Variants in GRIK2 observed in about 807,000 individuals in gnomAD.
GRIK2 encodes the protein glutamate ionotropic receptor kainate type subunit 2.
Under a neutral mutation model 100.3 loss-of-function variants are expected in GRIK2, and 32 were observed. The ratio of observed to expected loss-of-function variants is 0.32; its 90% confidence interval spans 0.24 to 0.43. GRIK2 has a LOEUF of 0.43. GRIK2 is among the 20% of genes least tolerant of loss of function. The probability of loss-of-function intolerance (pLI) is 1.00; values close to 1 mark genes in which losing one functional copy is unlikely to be tolerated. For missense variants in GRIK2, 843 were observed against 1,114.9 expected (o/e 0.76, Z 3.47); for synonymous variants, 417 against 389.4 (o/e 1.07, Z -0.83).
intron 11 of GRIK2, chr6:101,860,867 T>G (rs1465042079): frequency 3.3e-6 from 2 of 598,344 alleles, no homozygotes. Context: ...TTAGGGGCTT[T>G]GGATTTATTT....
chr6:102,050,403 C>T (rs568074977), intron 15 of GRIK2, among the ~76,000 whole-genome samples: 2 of 152,030 alleles, frequency 1.3e-5, no homozygotes, highest in South Asian at 2.1e-4. Context: ...CCTGTAATCC[C>T]AGCACTTTGG....
chr6:102,037,912 G>A (rs369290943), intron 15 of GRIK2, among the ~76,000 whole-genome samples: 88 of 151,328 alleles, frequency 5.8e-4, no homozygotes, highest in African/African-American at 2.0e-3. Flanking sequence ...GATAATTTTT[G>A]AAATATGTTT....
chr6:102,061,349 G>T (rs1771741217), intron 16 of GRIK2, among the ~76,000 whole-genome samples: 2 of 150,438 alleles, frequency 1.3e-5, no homozygotes, highest in East Asian at 3.9e-4. Flanking sequence ...CATCTATATA[G>T]TACAGATGAG....
intron 2 of GRIK2, among the ~76,000 whole-genome samples, chr6:101,523,548 A>T (rs181428759): frequency 6.6e-6 from 1 of 152,152 alleles, no homozygotes; most frequent in African/African-American, 2.4e-5. Flanking sequence ...TCTGGGCCGT[A>T]AATGCTTGGG....
intron 2 of GRIK2, among the ~76,000 whole-genome samples, chr6:101,586,324 C>A (rs1778361313): frequency 6.6e-6 from 1 of 151,860 alleles, no homozygotes; most frequent in Non-Finnish European, 1.5e-5. Context: ...AATAAAAATT[C>A]AAAGTTTGTT....
intron 2 of GRIK2, among the ~76,000 whole-genome samples, chr6:101,596,050 C>G (rs1778914944): frequency 6.7e-6 from 1 of 150,272 alleles, no homozygotes; most frequent in African/African-American, 2.4e-5. Flanking sequence ...GAGTGAGGGT[C>G]TCCAGGAGTT....
At chr6:101,401,844 C>T (rs954304549) in intron 2 of GRIK2, among the ~76,000 whole-genome samples, 11 of 152,128 alleles carry the variant, frequency 7.2e-5, no homozygotes, top group Non-Finnish European at 1.6e-4. Context: ...TGGAGTTGCA[C>T]GTGGCGCAGC....
chr6:101,982,605 A>G (rs1014132804), intron 14 of GRIK2, among the ~76,000 whole-genome samples: 3 of 151,572 alleles, frequency 2.0e-5, no homozygotes, highest in Non-Finnish European at 4.4e-5. Flanking sequence ...AAAAACAACA[A>G]CAACAAAACA....
chr6:101,857,122 A>G (rs1276558902), intron 10 of GRIK2, among the ~76,000 whole-genome samples: 1 of 152,144 alleles, frequency 6.6e-6, no homozygotes, highest in Non-Finnish European at 1.5e-5. Context: ...GGCAGGGGAA[A>G]AAATGGTGTG....
chr6:101,733,998 A>G (rs563786935), intron 7 of GRIK2, among the ~76,000 whole-genome samples: 19 of 152,148 alleles, frequency 1.2e-4, no homozygotes, highest in Non-Finnish European at 2.5e-4. Context: ...AATTTGTTTT[A>G]ACTTCCTATT....
intron 2 of GRIK2, among the ~76,000 whole-genome samples, chr6:101,603,870 CT>C (rs1779331671): frequency 6.6e-6 from 1 of 151,564 alleles, no homozygotes; most frequent in Non-Finnish European, 1.5e-5. Flanking sequence ...TTCATAACTA[CT>C]TTTATAATTG....
At chr6:101,749,824 T>C (rs1238734806) in intron 7 of GRIK2, among the ~76,000 whole-genome samples, 1 of 147,006 alleles carries the variant, frequency 6.8e-6, no homozygotes, top group Non-Finnish European at 1.5e-5. Context: ...TTTTTTTTTT[T>C]TTGTGTGAGA....
intron 7 of GRIK2, among the ~76,000 whole-genome samples, chr6:101,739,613 GATA>G (rs1371902680): frequency 6.6e-6 from 1 of 152,066 alleles, no homozygotes; most frequent in African/African-American, 2.4e-5. Context: ...GCAAATGTAA[GATA>G]ATCTTTTAAA....
intron 10 of GRIK2, among the ~76,000 whole-genome samples, chr6:101,843,336 C>G (rs1354311115): frequency 6.6e-6 from 1 of 152,078 alleles, no homozygotes; most frequent in African/African-American, 2.4e-5. Flanking sequence ...CTTGTATCCC[C>G]CTGTCTTTCT....
chr6:101,999,731 A>G (rs1173410902), intron 14 of GRIK2, among the ~76,000 whole-genome samples: 1 of 152,100 alleles, frequency 6.6e-6, no homozygotes, highest in Non-Finnish European at 1.5e-5. Context: ...TAGTAAGAAA[A>G]GATGTATTTT....
chr6:101,731,763 A>G (rs1172598992), intron 7 of GRIK2, among the ~76,000 whole-genome samples: 2 of 152,026 alleles, frequency 1.3e-5, no homozygotes, highest in Non-Finnish European at 2.9e-5. Flanking sequence ...TTTCCACAAA[A>G]AAGAGTATGA....
At chr6:101,670,651 T>C (rs1485426507) in intron 4 of GRIK2, among the ~76,000 whole-genome samples, 1 of 152,160 alleles carries the variant, frequency 6.6e-6, no homozygotes, top group Non-Finnish European at 1.5e-5. Context: ...CGCCTTTCCT[T>C]TGGCAATGAG....
intron 10 of GRIK2, among the ~76,000 whole-genome samples, chr6:101,853,132 T>C (rs1784234908): frequency 6.6e-6 from 1 of 152,202 alleles, no homozygotes; most frequent in African/African-American, 2.4e-5. Context: ...TATTACGATG[T>C]AGAAAGCAAC....
At chr6:101,542,058 A>G (rs1022903268) in intron 2 of GRIK2, among the ~76,000 whole-genome samples, 1 of 152,098 alleles carries the variant, frequency 6.6e-6, no homozygotes, top group Non-Finnish European at 1.5e-5. Context: ...CAGCAGATGG[A>G]CTGTAAAATA....
Sources: allele counts gnomAD v4.1 joint callset (sites outside exome capture counted in the v4.1 genomes callset), GRCh38; gene constraint gnomAD v4.1.1; transcripts MANE v1.5; gene names NCBI Gene and HGNC (gene_info 2026-07-23, HGNC 2026-07-21).